BPIFB3: variants seen among roughly 807,000 people sequenced by gnomAD.
The protein encoded by BPIFB3 is BPI fold containing family B member 3, also known as BPI fold-containing family B member 3.
In BPIFB3, 49 loss-of-function variants were observed where a neutral mutation model predicts 53.1. That is an observed-to-expected ratio of 0.92 (90% confidence interval 0.73 to 1.17). BPIFB3 has a LOEUF of 1.17. BPIFB3 is among the 50% of genes most tolerant of loss of function. The pLI is 0.00. For missense variants in BPIFB3, 628 were observed against 592.5 expected (o/e 1.06, Z -0.62); for synonymous variants, 271 against 269.6 (o/e 1.01, Z -0.05).
chr20:33,054,165 C>T (rs1020838114), upstream of BPIFB3, among the ~76,000 whole-genome samples: 2 of 152,028 alleles, frequency 1.3e-5, no homozygotes, highest in African/African-American at 4.8e-5. Flanking sequence ...TATATATTCA[C>T]AGCCGGAGGG....
chr20:33,055,476 C>A, exon 1 of BPIFB3: 1 of 1,613,674 alleles, frequency 6.2e-7, no homozygotes, highest in Non-Finnish European at 8.5e-7. Context: ...TGGGGCCTGG[C>A]GACTCCATGC....
At chr20:33,063,642 G>T (rs763525254) in exon 6 of BPIFB3, 2 of 1,614,086 alleles carry the variant, frequency 1.2e-6, no homozygotes, top group Non-Finnish European at 1.7e-6. Flanking sequence ...CAGTGTGCTG[G>T]GTGTGGTGAA....
At chr20:33,054,645 G>A (rs1160990678), upstream of BPIFB3, among the ~76,000 whole-genome samples, 1 of 152,148 alleles carries the variant, frequency 6.6e-6, no homozygotes, top group Non-Finnish European at 1.5e-5. Context: ...AGGCAGGCAG[G>A]GATTTTGTGG....
chr20:33,064,426 G>T (rs775045645), intron 6 of BPIFB3, 31 bp from the exon 8 acceptor site: 1 of 1,560,614 alleles, frequency 6.4e-7, no homozygotes, highest in African/African-American at 1.4e-5. Context: ...TGGGCTTATA[G>T]GGTCGTTCTC....
chr20:33,059,979 C>A (rs1299131316), exon 4 of BPIFB3: 1 of 1,614,080 alleles, frequency 6.2e-7, no homozygotes, highest in African/African-American at 1.3e-5. Flanking sequence ...CACACCCATC[C>A]TTATCCTCAA....
intron 6 of BPIFB3, 74 bp from the exon 8 acceptor site, chr20:33,064,380 CAAT>C (rs2146386531): frequency 8.4e-7 from 1 of 1,193,104 alleles, no homozygotes; most frequent in East Asian, 2.3e-5. Flanking sequence ...AGCAGACACT[CAAT>C]AAATGGAAAT....
At position 33,064,526 on chromosome 20, in the gene BPIFB3, AG is replaced by A; in HGVS notation, c.723del (p.Gln241HisfsTer3). 1 of 1,614,002 alleles carries A rather than the reference AG, an allele frequency of 6.2e-7. No individual in the cohort carries two copies. On this transcript the variant is annotated frameshift_variant, in exon 7 of 15. Transcript: ENST00000375494. LOFTEE classifies it high-confidence loss of function. Reference sequence around the variant, plus strand: ...GCCACATTGCCTCTCATCTCCAACCAGTACATAGAACTGGACATCAACGTGA... The same window carrying A: ...GCCACATTGCCTCTCATCTCCAACCATACATAGAACTGGACATCAACGTGA...
intron 2 of BPIFB3, 80 bp from the exon 4 acceptor site, chr20:33,059,298 C>T: frequency 2.0e-6 from 2 of 991,814 alleles, no homozygotes; most frequent in Non-Finnish European, 1.6e-6. Flanking sequence ...AGATAGGGGA[C>T]ACCACCAAGA....
chr20:33,068,869 G>A lies in BPIFB3; in HGVS notation c.1045G>A (p.Val349Ile), dbSNP rs776943858. The A allele has an allele frequency of 7.4e-6, 12 of 1,614,010 alleles. 1 individual carries two copies. The Admixed American group carries it at 2.0e-4, about 27-fold the overall frequency. Residue 349 changes from valine (V) to isoleucine (I), a missense_variant, in exon 10 of 15, where the codon GTC becomes ATC. Val to Ile is a conservative substitution (Grantham distance 29, BLOSUM62 3). Transcript: ENST00000375494. ...CCTGCGGGTGAGGGAAGCTCCCACGGTCACACTCCACAACAAGAAGGCCTT... is the reference window on the plus strand; with the variant it reads ...CCTGCGGGTGAGGGAAGCTCCCACGATCACACTCCACAACAAGAAGGCCTT...
intron 10 of BPIFB3, 37 bp downstream of exon 11, chr20:33,069,010 G>T: frequency 6.3e-7 from 1 of 1,596,442 alleles, no homozygotes; most frequent in Non-Finnish European, 8.6e-7. Flanking sequence ...CCCGGCATTG[G>T]GGTTCCAAAT....
At chr20:33,059,467 G>C in exon 3 of BPIFB3, 4 of 1,611,134 alleles carry the variant, frequency 2.5e-6, no homozygotes, top group Non-Finnish European at 3.4e-6. Context: ...ACCAAAGTGG[G>C]CATGCATTGC....
chr20:33,061,872 A>AGACTCCTACT, intron 5 of BPIFB3, 41 bp downstream of exon 6: 1 of 1,607,228 alleles, frequency 6.2e-7, no homozygotes, highest in South Asian at 1.1e-5. Flanking sequence ...CTCTCCCAGG[A>AGACTCCTACT]CTGGGCCTCT....
At chr20:33,063,471 G>A (rs1980534992) in intron 5 of BPIFB3, 144 bp from the exon 7 acceptor site, 1 of 823,130 alleles carries the variant, frequency 1.2e-6, no homozygotes, top group African/African-American at 1.7e-5. Flanking sequence ...CCTCCCACCT[G>A]TGTGTCTTCT....
intron 2 of BPIFB3, among the ~76,000 whole-genome samples, chr20:33,058,347 G>A (rs1379832061): frequency 2.0e-5 from 3 of 152,176 alleles, no homozygotes; most frequent in Non-Finnish European, 4.4e-5. Context: ...TGTGGTAGGT[G>A]TGGTCAATGT....
At position 33,058,081 on chromosome 20, in the gene BPIFB3, A is replaced by G. The variant is rs1600536417; in HGVS notation, c.282-1297A>G. Reference sequence around the variant, plus strand: ...AGATGGGAATGTGTCTGTGTGTTTCATCACAGCCCATACTGCCTGGTCAAG... The same window carrying G: ...AGATGGGAATGTGTCTGTGTGTTTCGTCACAGCCCATACTGCCTGGTCAAG... On this transcript the variant is annotated intron_variant, in intron 2 of 14. Transcript: ENST00000375494. Among the ~76,000 whole-genome samples the G allele has an allele frequency of 6.6e-5, 10 of 152,258 alleles. 1 individual carries two copies. The South Asian group carries it at 2.1e-3, about 32-fold the overall frequency.
chr20:33,072,277 G>T, intron 13 of BPIFB3, 110 bp downstream of exon 14: 1 of 1,187,248 alleles, frequency 8.4e-7, no homozygotes, highest in Non-Finnish European at 1.2e-6. Context: ...AGAGAGAGAG[G>T]TCGATCCTCA....
intron 2 of BPIFB3, among the ~76,000 whole-genome samples, chr20:33,057,612 C>A (rs749078136): frequency 6.6e-6 from 1 of 152,082 alleles, no homozygotes; most frequent in African/African-American, 2.4e-5. Flanking sequence ...TTCCAGAACA[C>A]TCCTGCTGTG....
intron 8 of BPIFB3, 104 bp from the exon 10 acceptor site, chr20:33,066,720 G>A (rs1306671908): frequency 9.5e-7 from 1 of 1,055,466 alleles, no homozygotes; most frequent in South Asian, 1.3e-5. Flanking sequence ...GTATGAAATT[G>A]GCAGGGTAGG....
chr20:33,070,865 G>A (rs537120365), intron 11 of BPIFB3, among the ~76,000 whole-genome samples: 8 of 152,218 alleles, frequency 5.3e-5, no homozygotes, highest in Non-Finnish European at 8.8e-5. Flanking sequence ...CCCTGAATCT[G>A]CACTTGGGCC....
Sources: gnomAD v4.1 joint callset for allele counts (sites outside exome capture counted in the v4.1 genomes callset) on GRCh38, gnomAD v4.1.1 for gene constraint, MANE v1.5 for transcripts, NCBI Gene and HGNC (gene_info 2026-07-23, HGNC 2026-07-21) for gene names.